Variants in DYRK1A observed in about 807,000 individuals in gnomAD.
The protein encoded by DYRK1A is dual specificity tyrosine phosphorylation regulated kinase 1A, also known as dual specificity tyrosine-phosphorylation-regulated kinase 1A.
DYRK1A carries 9 observed loss-of-function variants against 79.7 expected under a neutral mutation model. That is an observed-to-expected ratio of 0.11 (90% CI 0.07 to 0.20). The LOEUF (loss-of-function observed/expected upper bound fraction) is 0.20. Among genes scored for constraint, DYRK1A ranks in the 10% least tolerant of loss-of-function variants. The probability of loss-of-function intolerance (pLI) is 1.00; values close to 1 mark genes in which losing one functional copy is unlikely to be tolerated. For missense variants in DYRK1A, 622 were observed against 956.0 expected (o/e 0.65, Z 4.61); for synonymous variants, 349 against 329.7 (o/e 1.06, Z -0.63).
chr21:37,479,597 T>TTTGTTC, intron 4 of DYRK1A, among the ~76,000 whole-genome samples: 2 of 68,934 alleles, frequency 2.9e-5, no homozygotes, highest in African/African-American at 1.1e-4. Flanking sequence ...GTGTTTTGTT[T>TTTGTTC]TTGTTTTTGT....
At chr21:37,448,600 T>C (rs1237468666) in intron 2 of DYRK1A, among the ~76,000 whole-genome samples, 1 of 152,202 alleles carries the variant, frequency 6.6e-6, no homozygotes, top group Non-Finnish European at 1.5e-5. Context: ...CTAGTACAGG[T>C]CATGATTTAT....
intron 10 of DYRK1A, 88 bp downstream of exon 10, chr21:37,505,677 G>T: frequency 7.3e-7 from 1 of 1,379,068 alleles, no homozygotes; most frequent in Non-Finnish European, 9.8e-7. Context: ...GATTAAATTT[G>T]TTAATAGAGT....
chr21:37,421,326 T>C (rs1297401317), intron 2 of DYRK1A, among the ~76,000 whole-genome samples: 1 of 152,156 alleles, frequency 6.6e-6, no homozygotes, highest in Non-Finnish European at 1.5e-5. Context: ...TTTGGCGATC[T>C]GGGTTTTGTC....
At position 37,526,147 on chromosome 21, in the gene DYRK1A, A is replaced by G. The variant is rs1601352087; in HGVS notation, c.*13616A>G. The G allele has an allele frequency of 1.3e-5, 2 of 152,316 alleles. No homozygotes were observed. The highest frequency in any genetic ancestry group is 6.5e-5 in the Admixed American group (1 of 15,302). The allele number at this position is 152,316 out of a possible 1,614,324, so 9.4% of individuals were successfully genotyped here. A position where few individuals can be genotyped will look rare whatever the true frequency, so the allele number is the denominator to read the frequency against. The stretch of plus-strand genomic sequence containing the variant: ...TCCCACACACATTTGCCACAGATAC[A>G]TTATCTGAGCCCAAACTACAGTTTG... On this transcript the variant is annotated 3_prime_UTR_variant, in exon 12 of 12. Transcript: ENST00000647188.
chr21:37,412,075 A>G (rs1029259149), intron 1 of DYRK1A, among the ~76,000 whole-genome samples: 8 of 152,224 alleles, frequency 5.3e-5, no homozygotes, highest in African/African-American at 1.9e-4. Flanking sequence ...AACAGAATAT[A>G]GCAGGAGATA....
intron 1 of DYRK1A, among the ~76,000 whole-genome samples, chr21:37,389,587 C>T (rs2049831120): frequency 6.6e-6 from 1 of 152,060 alleles, no homozygotes; most frequent in Non-Finnish European, 1.5e-5. Flanking sequence ...TCCTGTTTCT[C>T]TGCTTGTTTT....
intron 1 of DYRK1A, among the ~76,000 whole-genome samples, chr21:37,384,432 A>T (rs1252902024): frequency 6.6e-6 from 1 of 152,180 alleles, no homozygotes; most frequent in Non-Finnish European, 1.5e-5. Flanking sequence ...CAGAAGAGTT[A>T]TGTCTTGGTA....
At chr21:37,405,150 T>A (rs1202949838) in intron 1 of DYRK1A, among the ~76,000 whole-genome samples, 1 of 152,068 alleles carries the variant, frequency 6.6e-6, no homozygotes, top group Non-Finnish European at 1.5e-5. Flanking sequence ...TGTCGGCCTT[T>A]GGGTGAAGAT....
intron 2 of DYRK1A, among the ~76,000 whole-genome samples, chr21:37,450,041 GGCACTT>G (rs1421893382): frequency 1.3e-5 from 2 of 152,154 alleles, no homozygotes; most frequent in African/African-American, 4.8e-5. Flanking sequence ...TCCCACACCT[GGCACTT>G]GTGCAATGCA....
chr21:37,500,889 T>C (rs2053422423), intron 9 of DYRK1A, among the ~76,000 whole-genome samples: 1 of 151,862 alleles, frequency 6.6e-6, no homozygotes, highest in Non-Finnish European at 1.5e-5. Flanking sequence ...ATCAAGTTTA[T>C]TAATCTTTGC....
At chr21:37,425,183 G>T (rs1333430139) in intron 2 of DYRK1A, among the ~76,000 whole-genome samples, 1 of 152,136 alleles carries the variant, frequency 6.6e-6, no homozygotes, top group Non-Finnish European at 1.5e-5. Flanking sequence ...GAAGGTCAGG[G>T]GGTTAAGGCT....
intron 11 of DYRK1A, among the ~76,000 whole-genome samples, chr21:37,510,375 C>T (rs773620819): frequency 1.6e-4 from 24 of 152,324 alleles, no homozygotes; most frequent in Non-Finnish European, 3.2e-4. Flanking sequence ...TCTCAGACCA[C>T]CTTTGTTGAA....
intron 2 of DYRK1A, among the ~76,000 whole-genome samples, chr21:37,465,075 A>G (rs1378211612): frequency 6.6e-6 from 1 of 152,254 alleles, no homozygotes; most frequent in Non-Finnish European, 1.5e-5. Flanking sequence ...GACAATGAGC[A>G]TGTGGCAAGC....
At chr21:37,471,532 T>G (rs534484524) in intron 2 of DYRK1A, among the ~76,000 whole-genome samples, 18 of 152,248 alleles carry the variant, frequency 1.2e-4, no homozygotes, top group Non-Finnish European at 2.5e-4. Context: ...ATTTATTAAT[T>G]GCCAGAGCTG....
At chr21:37,480,926 G>A in intron 5 of DYRK1A, 100 bp downstream of exon 5, 1 of 933,480 alleles carries the variant, frequency 1.1e-6, no homozygotes, top group Admixed American at 2.9e-5. Flanking sequence ...TTTAATATTT[G>A]CAAATAGAGC....
intron 4 of DYRK1A, among the ~76,000 whole-genome samples, chr21:37,479,929 G>T (rs1030005944): frequency 4.6e-5 from 7 of 152,008 alleles, no homozygotes; most frequent in Non-Finnish European, 1.0e-4. Flanking sequence ...GCCTGGCCCA[G>T]AATCAGTGTT....
rs58948987 is a variant in DYRK1A, at chr21:37,375,519, C to CTTTTTT, written c.-77+7909_-77+7914dup. Among the ~76,000 whole-genome samples, 133 of 81,422 alleles carry CTTTTTT rather than the reference C, an allele frequency of 1.6e-3. 3 individuals carry two copies. The highest frequency in any genetic ancestry group is 2.2e-3 in the African/African-American group (49 of 21,996). The allele number at this position is 81,422 out of a possible 152,430, so 53.4% of individuals were successfully genotyped here. On this transcript the variant is annotated intron_variant, in intron 1 of 11. Transcript: ENST00000647188. ...TTAGAATATTCCTAGAGGAATATTA[C>CTTTTTT]TTTTTTTTTTTTTTTTTTTTTTTGA...
intron 11 of DYRK1A, among the ~76,000 whole-genome samples, chr21:37,508,713 T>C (rs2053667125): frequency 6.6e-6 from 1 of 152,228 alleles, no homozygotes; most frequent in African/African-American, 2.4e-5. Context: ...TCCTCTTCAC[T>C]CACCCTAGTC....
intron 1 of DYRK1A, among the ~76,000 whole-genome samples, chr21:37,409,687 ATT>A (rs2050209123): frequency 6.6e-6 from 1 of 152,172 alleles, no homozygotes. Flanking sequence ...AGTATAATAA[ATT>A]AGTAATTACT....
Sources: gnomAD v4.1 joint callset for allele counts (sites outside exome capture counted in the v4.1 genomes callset) on GRCh38, gnomAD v4.1.1 for gene constraint, MANE v1.5 for transcripts, NCBI Gene and HGNC (gene_info 2026-07-23, HGNC 2026-07-21) for gene names.